Variants in TIMD4 observed in about 807,000 individuals in gnomAD.
TIMD4 encodes T-cell immunoglobulin and mucin domain-containing protein 4.
A neutral mutation model predicts 41.2 loss-of-function variants in TIMD4; 31 were observed. The ratio of observed to expected loss-of-function variants is 0.75; its 90% CI spans 0.57 to 1.01. The LOEUF (loss-of-function observed/expected upper bound fraction) is 1.01. Among genes scored for constraint, TIMD4 ranks in the 50% least tolerant of loss-of-function variants. TIMD4 has a pLI of 0.00. For synonymous variants in TIMD4, 204 were observed against 177.1 expected, an observed-to-expected ratio of 1.15 and a Z score of -1.21; for missense variants, 479 against 472.5, an observed-to-expected ratio of 1.01 and a Z score of -0.13.
Position 156,954,456 on chromosome 5 carries a change from A to G in TIMD4, c.359T>C (p.Phe120Ser), listed in dbSNP as rs377691244. Residue 120 changes from phenylalanine to serine, a missense_variant, in exon 2 of 9, where the codon TTC becomes TCC. Physicochemically the swap from Phe to Ser is radical, Grantham distance 155. Transcript: ENST00000274532. Reference sequence around the variant, plus strand: ...GCGCACGTTTATCTTTACATCGTTGAACCAGCCAGGCACTTCTATGCGGCA... The same window carrying G: ...GCGCACGTTTATCTTTACATCGTTGGACCAGCCAGGCACTTCTATGCGGCA... ...YCCRIEVPGW[F>S]NDVKINVRLN... 5.6e-6 allele frequency: 9 copies of G among 1,614,168 alleles called. No individual in the cohort carries two copies. Among genetic ancestry groups the G allele is most frequent in the Non-Finnish European group, 7.6e-6 (9 of 1,180,026 alleles).
At chr5:156,932,266 T>C (rs1759456339) in intron 5 of TIMD4, among the ~76,000 whole-genome samples, 2 of 152,240 alleles carry the variant, frequency 1.3e-5, no homozygotes, top group Non-Finnish European at 2.9e-5. Context: ...TTGTATCATG[T>C]GTTCATCACT....
At chr5:156,960,072 A>G (rs1479925629) in intron 1 of TIMD4, among the ~76,000 whole-genome samples, 1 of 129,410 alleles carries the variant, frequency 7.7e-6, no homozygotes, top group Non-Finnish European at 1.6e-5. Flanking sequence ...TTGAAAAACA[A>G]AAGAAAAAAG....
At position 156,963,215 on chromosome 5, in the gene TIMD4, A is replaced by C; in HGVS notation, c.-17T>G. Reference sequence around the variant, plus strand: ...TTTGGACATTTTGACGGTTGACCGGACCCAGGAGTCTGTCTATCTATCCAA... The same window carrying C: ...TTTGGACATTTTGACGGTTGACCGGCCCCAGGAGTCTGTCTATCTATCCAA... On this transcript the variant is annotated 5_prime_UTR_variant, in exon 1 of 9. Coordinates refer to ENST00000274532, the MANE Select transcript of TIMD4 (RefSeq NM_138379.3). The C allele has an allele frequency of 6.2e-7, 1 of 1,614,024 alleles. No individual in the cohort carries two copies. Among genetic ancestry groups the C allele is most frequent in the Non-Finnish European group, 8.5e-7 (1 of 1,179,910 alleles).
intron 2 of TIMD4, 109 bp from the exon 3 acceptor site, chr5:156,951,899 TG>T: frequency 6.9e-7 from 1 of 1,444,232 alleles, no homozygotes; most frequent in Non-Finnish European, 9.5e-7. Context: ...CCTGGTCCAC[TG>T]GCCTGGACGA....
chr5:156,928,713 C>T (rs1483987388), intron 5 of TIMD4, among the ~76,000 whole-genome samples: 2 of 152,114 alleles, frequency 1.3e-5, no homozygotes, highest in African/African-American at 4.8e-5. Flanking sequence ...AGGAAAGTGA[C>T]TTGTTAAATG....
At chr5:156,949,364 T>C (rs994228359) in intron 4 of TIMD4, among the ~76,000 whole-genome samples, 1 of 152,102 alleles carries the variant, frequency 6.6e-6, no homozygotes, top group Non-Finnish European at 1.5e-5. Context: ...AGATGTACCA[T>C]GAGCTACTGC....
intron 5 of TIMD4, among the ~76,000 whole-genome samples, chr5:156,943,020 C>T (rs1759674441): frequency 6.6e-6 from 1 of 152,156 alleles, no homozygotes. Context: ...TTTGTAACTT[C>T]TCTGGGTTTG....
At chr5:156,950,817 G>A (rs1191260557) in intron 3 of TIMD4, among the ~76,000 whole-genome samples, 1 of 152,200 alleles carries the variant, frequency 6.6e-6, no homozygotes. Flanking sequence ...CTTAACCCCT[G>A]AAAGAATGGA....
At chr5:156,921,590 G>A (rs900857894) in intron 7 of TIMD4, among the ~76,000 whole-genome samples, 13 of 119,266 alleles carry the variant, frequency 1.1e-4, no homozygotes, top group African/African-American at 4.0e-4. Context: ...CTGCACTCCA[G>A]CCTGGACAAC....
intron 1 of TIMD4, among the ~76,000 whole-genome samples, chr5:156,962,535 G>A (rs549965747): frequency 2.0e-4 from 31 of 152,258 alleles, no homozygotes; most frequent in African/African-American, 7.0e-4. Context: ...GAGAGCCAGA[G>A]CAATTTAGAC....
chr5:156,940,695 A>T (rs1471704471), intron 5 of TIMD4, among the ~76,000 whole-genome samples: 1 of 146,196 alleles, frequency 6.8e-6, no homozygotes, highest in Non-Finnish European at 1.5e-5. Context: ...CCGTATGAGA[A>T]GTGAGGAGCC....
Position 156,954,537 on chromosome 5 carries a change from C to T in TIMD4, c.278G>A (p.Gly93Asp), listed in dbSNP as rs773281432. The stretch of plus-strand genomic sequence containing the variant: ...GTTTAAGATGGTCAAGGAGACATCA[C>T]CTCTCGGGATAGTCCCCTGAAGTCT... ...KYRLQGTIPR[G>D]DVSLTILNPS... Residue 93 changes from glycine to aspartate, a missense_variant, in exon 2 of 9, where the codon GGT (glycine) becomes GAT (aspartate). By Grantham distance (94) the Gly-to-Asp change is moderately conservative. Coordinates refer to ENST00000274532, the MANE Select transcript of TIMD4 (RefSeq NM_138379.3). The T allele has an allele frequency of 1.5e-5, 24 of 1,614,152 alleles. No individual in the cohort carries two copies. Among genetic ancestry groups the T allele is most frequent in the Non-Finnish European group, 1.9e-5 (22 of 1,180,062 alleles).
chr5:156,959,765 T>A (rs193086725), intron 1 of TIMD4, among the ~76,000 whole-genome samples: 1 of 152,186 alleles, frequency 6.6e-6, no homozygotes, highest in Admixed American at 6.6e-5. Context: ...ATAGGCCGGG[T>A]GTGGTGGCTC....
rs748894565 is a variant in TIMD4, at chr5:156,951,596, A to G, written c.595T>C (p.Ser199Pro). 3.7e-6 allele frequency: 6 copies of G among 1,614,146 alleles called. No individual in the cohort carries two copies. The highest frequency in any genetic ancestry group is 5.1e-6 in the Non-Finnish European group (6 of 1,180,024). The change falls in exon 3 of 9, where the codon TCA (serine) becomes CCA (proline). Residue 199 changes from serine to proline, a missense_variant. Transcript: ENST00000274532. Reference sequence around the variant, plus strand: ...TCCGGAAGGGTGCTTGGGGTTAGTGAAAGGCACGTGTTTGCTGTTGTGAAG... The same window carrying G: ...TCCGGAAGGGTGCTTGGGGTTAGTGGAAGGCACGTGTTTGCTGTTGTGAAG... ...AVFTTANTCL[S>P]LTPSTLPEEA...
chr5:156,924,181 C>G (rs948840838), intron 6 of TIMD4: 5 of 447,256 alleles, frequency 1.1e-5, no homozygotes, highest in Admixed American at 8.1e-5. Context: ...CCTTCAAAGT[C>G]TATGCAGCAC....
At chr5:156,962,318 C>T (rs964777095) in intron 1 of TIMD4, among the ~76,000 whole-genome samples, 1 of 151,940 alleles carries the variant, frequency 6.6e-6, no homozygotes, top group African/African-American at 2.4e-5. Context: ...AATATCCCAA[C>T]TACCCTGATT....
chr5:156,937,668 T>A (rs1351985372), intron 5 of TIMD4, among the ~76,000 whole-genome samples: 1 of 152,222 alleles, frequency 6.6e-6, no homozygotes, highest in Non-Finnish European at 1.5e-5. Context: ...TTCTCTTTGA[T>A]CTTATTTGGT....
intron 6 of TIMD4, among the ~76,000 whole-genome samples, chr5:156,925,565 C>G (rs1029484506): frequency 9.8e-5 from 15 of 152,324 alleles, no homozygotes; most frequent in African/African-American, 3.6e-4. Flanking sequence ...GAAGCTTTCA[C>G]TTAAAATGGC....
intron 8 of TIMD4, 43 bp downstream of exon 8, chr5:156,920,421 C>T: frequency 1.9e-6 from 3 of 1,601,982 alleles, no homozygotes; most frequent in Non-Finnish European, 2.6e-6. Context: ...TTTGTAACAG[C>T]TTGTACAATC....
Sources: gnomAD v4.1 joint callset for allele counts (sites outside exome capture counted in the v4.1 genomes callset) on GRCh38, gnomAD v4.1.1 for gene constraint, MANE v1.5 for transcripts, NCBI Gene and HGNC (gene_info 2026-07-23, HGNC 2026-07-21) for gene names.